The following PCDHGA8 variants were observed in gnomAD, a reference collection of about 807,000 sequenced individuals.
The protein encoded by PCDHGA8 is protocadherin gamma-A8.
PCDHGA8 carries 45 observed loss-of-function variants against 59.2 expected under a neutral mutation model. That is an observed-to-expected ratio of 0.76 (90% CI 0.60 to 0.98). The LOEUF is 0.98. Ranked by LOEUF, PCDHGA8 falls within the 50% of genes least tolerant of loss-of-function variation. PCDHGA8 has a pLI of 0.00. For missense variants in PCDHGA8, 1,257 were observed against 1,196.2 expected (o/e 1.05, Z -0.75); for synonymous variants, 531 against 519.0 (o/e 1.02, Z -0.32).
rs780671252 is a variant in PCDHGA8, at chr5:141,398,519, C to G, written c.2424+3282C>G. 3.1e-6 allele frequency: 5 copies of G among 1,595,048 alleles called. No homozygotes were observed. The Admixed American group carries it at 6.8e-5, about 22-fold the overall frequency. On this transcript the variant is annotated intron_variant, in intron 1 of 3. Coordinates refer to ENST00000398604, the MANE Select transcript of PCDHGA8 (RefSeq NM_032088.2). ...ATCGAGGACATTAATGACCACACGC[C>G]AAAATTCACGCAAAATTCCTTTGAG...
intron 3 of PCDHGA8, among the ~76,000 whole-genome samples, chr5:141,509,050 C>T (rs867585045): frequency 1.6e-4 from 25 of 152,304 alleles, no homozygotes; most frequent in Admixed American, 5.2e-4. Flanking sequence ...CCCCCGCCCC[C>T]AGAAAGCTCT....
intron 1 of PCDHGA8, chr5:141,414,596 C>T: frequency 6.2e-7 from 1 of 1,613,962 alleles, no homozygotes; most frequent in Non-Finnish European, 8.5e-7. Context: ...AGGGGTGCCT[C>T]CATCTTCTCA....
chr5:141,413,524 A>T lies in PCDHGA8; in HGVS notation c.2424+18287A>T, dbSNP rs772774054. The T allele has an allele frequency of 9.3e-6, 15 of 1,613,856 alleles. No individual in the cohort carries two copies. In the Admixed American group the frequency reaches 2.5e-4, roughly 27 times the overall value. ...GAGTTTTAATATCCTTGTGGAAGACAGGGTGAAACTTTTTGGGATAGAAAT... is the reference window on the plus strand; with the variant it reads ...GAGTTTTAATATCCTTGTGGAAGACTGGGTGAAACTTTTTGGGATAGAAAT... On this transcript the variant is annotated intron_variant, in intron 1 of 3. Coordinates refer to ENST00000398604, the MANE Select transcript of PCDHGA8 (RefSeq NM_032088.2).
At position 141,432,195 on chromosome 5, in the gene PCDHGA8, C is replaced by G; in HGVS notation, c.2424+36958C>G. 1 of 1,614,206 alleles carries G rather than the reference C, an allele frequency of 6.2e-7. No individual in the cohort carries two copies. The highest frequency in any genetic ancestry group is 8.5e-7 in the Non-Finnish European group (1 of 1,180,050). On this transcript the variant is annotated intron_variant, in intron 1 of 3. Transcript: ENST00000398604. The surrounding 1 kb of genome is among the most constrained non-coding windows in gnomAD (Gnocchi z 6.0). ...CTCGTCTCTGTGACCGCCCACGACC[C>G]CGACTGTGAAGAGAACGCCCAGATC...
intron 1 of PCDHGA8, chr5:141,442,507 G>C (rs1394231840): frequency 1.3e-5 from 2 of 152,208 alleles, no homozygotes; most frequent in Non-Finnish European, 1.5e-5. Flanking sequence ...TATTCTAATT[G>C]CTTGGGCAGA....
chr5:141,441,772 TG>T, intron 1 of PCDHGA8: 1 of 388,268 alleles, frequency 2.6e-6, no homozygotes, highest in South Asian at 2.0e-5. Flanking sequence ...CGCGTGTTGG[TG>T]GACGACCTGA....
chr5:141,417,833 G>A (rs968698994), intron 1 of PCDHGA8: 8 of 1,529,614 alleles, frequency 5.2e-6, no homozygotes, highest in Middle Eastern at 1.7e-4. Context: ...TGGAAAAGCG[G>A]GGACCCAGCG....
At chr5:141,398,573 G>A (rs561224063) in intron 1 of PCDHGA8, 39 of 1,613,870 alleles carry the variant, frequency 2.4e-5, no homozygotes, top group Non-Finnish European at 3.1e-5. Flanking sequence ...GCACAGCCTG[G>A]CACAAGATTT....
intron 1 of PCDHGA8, among the ~76,000 whole-genome samples, chr5:141,437,426 C>T (rs531265278): frequency 6.6e-6 from 1 of 152,268 alleles, no homozygotes; most frequent in South Asian, 2.1e-4. Flanking sequence ...CTTTTTGAAG[C>T]AGCAATAGCA....
intron 1 of PCDHGA8, chr5:141,423,925 T>C (rs17097293): frequency 0.23 from 286,429 of 1,244,544 alleles, 36,355 homozygotes; most frequent in African/African-American, 0.51. Flanking sequence ...ACTATGCTGG[T>C]TTGGTTTGAA....
intron 1 of PCDHGA8, among the ~76,000 whole-genome samples, chr5:141,443,594 T>C (rs1040469046): frequency 1.3e-5 from 2 of 152,234 alleles, no homozygotes; most frequent in Non-Finnish European, 2.9e-5. Flanking sequence ...CAGAATGTGG[T>C]ATATGAAATG....
intron 1 of PCDHGA8, among the ~76,000 whole-genome samples, chr5:141,473,871 T>A (rs2099330260): frequency 1.3e-5 from 2 of 152,190 alleles, no homozygotes; most frequent in Admixed American, 6.5e-5. Context: ...TTGTGGAGAA[T>A]GCATACACAA....
At chr5:141,399,174 T>C (rs2093763814) in intron 1 of PCDHGA8, 1 of 1,613,700 alleles carries the variant, frequency 6.2e-7, no homozygotes, top group Admixed American at 1.7e-5. Context: ...ATTCTCTACT[T>C]GAAATGATTC....
Position 141,505,420 on chromosome 5 carries a change from C to G in PCDHGA8, c.2511C>G (p.Thr837=), listed in dbSNP as rs1236398971. 6.2e-7 allele frequency: 1 copy of G among 1,614,102 alleles called. No individual in the cohort carries two copies. Among genetic ancestry groups the G allele is most frequent in the Non-Finnish European group, 8.5e-7 (1 of 1,180,034 alleles). ...SGSQNGDDTG[T]WPNNQFDTEM... is the part of the protein sequence containing the mutation. ...CCCAAAATGGCGATGACACCGGCACCTGGCCCAACAACCAGTTTGACACAG... is the reference window on the plus strand; with the variant it reads ...CCCAAAATGGCGATGACACCGGCACGTGGCCCAACAACCAGTTTGACACAG... The change falls in exon 3 of 4, where the codon ACC becomes ACG. Residue 837 remains threonine (T), a synonymous_variant. Coordinates refer to ENST00000398604, the MANE Select transcript of PCDHGA8 (RefSeq NM_032088.2).
intron 1 of PCDHGA8, chr5:141,402,950 G>A (rs992704558): frequency 2.5e-6 from 4 of 1,596,662 alleles, no homozygotes; most frequent in Non-Finnish European, 3.4e-6. Flanking sequence ...AAGCGAGGCA[G>A]CAATGGCAGC....
At chr5:141,433,298 A>G in intron 1 of PCDHGA8, 7 of 1,015,894 alleles carry the variant, frequency 6.9e-6, no homozygotes, top group Non-Finnish European at 1.0e-5. Context: ...GGCTCAAGCA[A>G]TTATCCCACC....
intron 1 of PCDHGA8, chr5:141,403,278 T>C (rs1254967384): frequency 1.2e-6 from 2 of 1,613,784 alleles, no homozygotes; most frequent in Non-Finnish European, 1.7e-6. Context: ...TTTAAAGTCC[T>C]GGTTGAAGAC....
intron 1 of PCDHGA8, chr5:141,400,231 G>C: frequency 6.2e-7 from 1 of 1,613,988 alleles, no homozygotes; most frequent in South Asian, 1.1e-5. Context: ...CTTCCTCCTG[G>C]CCGTGATTCT....
At chr5:141,440,399 A>T (rs1215824479) in intron 1 of PCDHGA8, 1 of 152,164 alleles carries the variant, frequency 6.6e-6, no homozygotes, top group Non-Finnish European at 1.5e-5. Context: ...CCGAGAGGCA[A>T]TCGCACCACT....
Sources: allele counts gnomAD v4.1 joint callset (sites outside exome capture counted in the v4.1 genomes callset), GRCh38; gene constraint gnomAD v4.1.1; non-coding constraint Gnocchi (gnomAD v3.1); transcripts MANE v1.5; gene names NCBI Gene and HGNC (gene_info 2026-07-23, HGNC 2026-07-21).